TRPM8: variants seen among roughly 807,000 people sequenced by gnomAD.
The protein encoded by TRPM8 is TRPM8 cationic channel.
A neutral mutation model predicts 133.7 loss-of-function variants in TRPM8; 110 were observed. That is an observed-to-expected ratio of 0.82 (90% confidence interval 0.70 to 0.96). The LOEUF (loss-of-function observed/expected upper bound fraction) is 0.96. Ranked by LOEUF, TRPM8 falls within the 40% of genes least tolerant of loss-of-function variation. The pLI, the probability that TRPM8 is intolerant of heterozygous loss-of-function variation, is 0.00. For synonymous variants in TRPM8, 535 were observed against 532.3 expected, an observed-to-expected ratio of 1.01 and a Z score of -0.07; for missense variants, 1,291 against 1,379.5, an observed-to-expected ratio of 0.94 and a Z score of 1.02.
At chr2:234,012,955 C>T (rs186022037) in intron 24 of TRPM8, among the ~76,000 whole-genome samples, 2 of 152,216 alleles carry the variant, frequency 1.3e-5, no homozygotes, top group Admixed American at 6.5e-5. Context: ...ACCCTTGCAT[C>T]CCAGGGCTAA....
At chr2:233,992,109 AC>A in intron 21 of TRPM8, among the ~76,000 whole-genome samples, 1 of 152,222 alleles carries the variant, frequency 6.6e-6, no homozygotes, top group Middle Eastern at 3.4e-3. Flanking sequence ...AAAGTAAGGT[AC>A]TTTTTCTATT....
At chr2:233,956,541 G>T (rs1019189231) in intron 11 of TRPM8, among the ~76,000 whole-genome samples, 1 of 152,040 alleles carries the variant, frequency 6.6e-6, no homozygotes, top group Non-Finnish European at 1.5e-5. Context: ...GTCATTAGGG[G>T]GCCGTGATAA....
intron 5 of TRPM8, among the ~76,000 whole-genome samples, chr2:233,940,048 GTTT>G (rs34052230): frequency 2.9e-5 from 4 of 138,044 alleles, no homozygotes; most frequent in African/African-American, 7.8e-5. Flanking sequence ...ATTTAGCTTT[GTTT>G]TTTTTTTTTT....
chr2:233,970,085 C>T (rs1323753238), intron 16 of TRPM8, 125 bp from the exon 17 acceptor site: 15 of 908,494 alleles, frequency 1.7e-5, no homozygotes, highest in Middle Eastern at 2.6e-4. Flanking sequence ...TCTTAGGACA[C>T]GGTTTTGCTC....
chr2:233,966,762 C>T lies in TRPM8; in HGVS notation c.2025+7C>T, dbSNP rs368848928. 2.8e-5 allele frequency: 44 copies of T among 1,547,222 alleles called. No individual in the cohort carries two copies. The highest frequency in any genetic ancestry group is 3.9e-5 in the Non-Finnish European group (44 of 1,141,934). On this transcript the variant is annotated splice_region_variant and intron_variant, in intron 15 of 25. Transcript: ENST00000324695. ...CGCCCAGCCTGGGGTCCAGGTAAACCATACTCAGCCACCAGACCACACGGC... is the reference window on the plus strand; with the variant it reads ...CGCCCAGCCTGGGGTCCAGGTAAACTATACTCAGCCACCAGACCACACGGC...
chr2:233,927,531 C>G (rs547744039), intron 2 of TRPM8, among the ~76,000 whole-genome samples: 1 of 152,244 alleles, frequency 6.6e-6, no homozygotes, highest in East Asian at 1.9e-4. Context: ...GCTCCCCAGT[C>G]ACACCTCAGT....
chr2:233,988,928 G>A (rs577798314), intron 21 of TRPM8, among the ~76,000 whole-genome samples: 3 of 152,320 alleles, frequency 2.0e-5, no homozygotes, highest in Admixed American at 6.5e-5. Flanking sequence ...AGGCGAGGGC[G>A]AAGTGGGATG....
At chr2:233,923,654 A>G (rs536606308) in intron 1 of TRPM8, among the ~76,000 whole-genome samples, 4 of 152,358 alleles carry the variant, frequency 2.6e-5, no homozygotes, top group Non-Finnish European at 5.9e-5. Context: ...TTAGGGTGCC[A>G]GCTTCATTAG....
In TRPM8 at chr2:233,937,795, G is replaced by A. The variant is rs186281322; in HGVS notation, c.348+286G>A. On this transcript the variant is annotated intron_variant, in intron 4 of 25. Coordinates refer to ENST00000324695, the MANE Select transcript of TRPM8 (RefSeq NM_024080.5). Reference sequence around the variant, plus strand: ...ATCCACCTTGAGCCCTACTGCTACTGAGGGCCCCATGAATGCTTTTGTGAA... The same window carrying A: ...ATCCACCTTGAGCCCTACTGCTACTAAGGGCCCCATGAATGCTTTTGTGAA... Among the ~76,000 whole-genome samples the A allele has an allele frequency of 7.2e-5, 11 of 152,280 alleles. No individual in the cohort carries two copies. In the East Asian group the frequency reaches 2.1e-3, roughly 29 times the overall value.
chr2:233,982,021 C>A, intron 19 of TRPM8, 106 bp downstream of exon 19: 3 of 1,216,776 alleles, frequency 2.5e-6, no homozygotes, highest in Non-Finnish European at 3.4e-6. Flanking sequence ...TGCATTTCAC[C>A]ATCAGTAACA....
intron 24 of TRPM8, among the ~76,000 whole-genome samples, chr2:234,011,132 T>C (rs12619960): frequency 0.12 from 17,726 of 152,220 alleles, 1,846 homozygotes; most frequent in African/African-American, 0.28. Flanking sequence ...CTTTGATCCA[T>C]TTTGAGTTGA....
intron 21 of TRPM8, among the ~76,000 whole-genome samples, chr2:233,995,598 A>G (rs1692382220): frequency 6.6e-6 from 1 of 152,212 alleles, no homozygotes; most frequent in Non-Finnish European, 1.5e-5. Context: ...TTCACTTAAC[A>G]TATATGATAA....
At chr2:233,965,598 TGCATCC>T (rs1303989584) in intron 14 of TRPM8, among the ~76,000 whole-genome samples, 2 of 152,232 alleles carry the variant, frequency 1.3e-5, no homozygotes, top group African/African-American at 4.8e-5. Flanking sequence ...ACGAGGTATT[TGCATCC>T]AGGTTTGTCT....
intron 14 of TRPM8, 53 bp from the exon 15 acceptor site, chr2:233,966,557 T>C: frequency 6.2e-7 from 1 of 1,609,262 alleles, no homozygotes. Flanking sequence ...CAGGACAGTT[T>C]CGGTCATGTG....
chr2:233,965,058 G>C lies in TRPM8; in HGVS notation c.1879+301G>C, dbSNP rs75000965. 1.9e-3 allele frequency among the ~76,000 whole-genome samples: 266 copies of C among 143,392 alleles called. 2 individuals are homozygous for C. In the Middle Eastern group the frequency reaches 0.021, roughly 12 times the overall value. 94.1% of individuals were successfully genotyped at this position (143,392 alleles called of 152,430 possible). On this transcript the variant is annotated intron_variant, in intron 14 of 25. Coordinates refer to ENST00000324695, the MANE Select transcript of TRPM8 (RefSeq NM_024080.5). ...CACTGGACTACTTTTTTTTGTGGGG[G>C]GGGGGGGTGTTTCTGGATGCCGTTA...
intron 21 of TRPM8, among the ~76,000 whole-genome samples, chr2:233,995,785 G>A (rs559682478): frequency 6.6e-6 from 1 of 152,230 alleles, no homozygotes; most frequent in South Asian, 2.1e-4. Flanking sequence ...CAACAGTCAT[G>A]CATATATATT....
intron 14 of TRPM8, among the ~76,000 whole-genome samples, chr2:233,965,183 C>T (rs1245344517): frequency 6.6e-6 from 1 of 152,132 alleles, no homozygotes. Context: ...AGCCCCTGGG[C>T]CTGCGACACT....
At chr2:233,941,874 T>A (rs1161218984) in intron 5 of TRPM8, among the ~76,000 whole-genome samples, 1 of 152,106 alleles carries the variant, frequency 6.6e-6, no homozygotes, top group East Asian at 1.9e-4. Flanking sequence ...AAGATTCACT[T>A]GAATCCAACC....
chr2:233,996,254 T>G (rs931995883), intron 21 of TRPM8, 72 bp from the exon 22 acceptor site: 8 of 1,397,480 alleles, frequency 5.7e-6, no homozygotes, highest in Non-Finnish European at 8.0e-6. Flanking sequence ...AATACCACTA[T>G]TACCATACTA....
Sources: allele counts gnomAD v4.1 joint callset (sites outside exome capture counted in the v4.1 genomes callset), GRCh38; gene constraint gnomAD v4.1.1; transcripts MANE v1.5; gene names NCBI Gene and HGNC (gene_info 2026-07-23, HGNC 2026-07-21).